The following PLCG2 variants were observed in gnomAD, a reference collection of about 807,000 sequenced individuals.
PLCG2 encodes 1-phosphatidylinositol 4,5-bisphosphate phosphodiesterase gamma-2.
Under a neutral mutation model 175.6 loss-of-function variants are expected in PLCG2, and 69 were observed. The observed-to-expected ratio is 0.39, with a 90% CI of 0.32 to 0.48. PLCG2 has a LOEUF of 0.48. PLCG2 is among the 20% of genes least tolerant of loss of function. The probability of loss-of-function intolerance (pLI) is 0.91; values close to 1 mark genes in which losing one functional copy is unlikely to be tolerated. For synonymous variants in PLCG2, 827 were observed against 624.0 expected (o/e 1.33, Z -4.85); for missense variants, 1,798 against 1,650.9 (o/e 1.09, Z -1.54).
At chr16:81,796,111 G>A (rs532290593) in intron 2 of PLCG2, among the ~76,000 whole-genome samples, 4 of 152,332 alleles carry the variant, frequency 2.6e-5, no homozygotes, top group South Asian at 2.1e-4. Context: ...CAGTCTCATC[G>A]CTGGGCTGCA....
chr16:81,756,011 C>T (rs1909917350), intron 2 of PLCG2: 2 of 153,182 alleles, frequency 1.3e-5, no homozygotes, highest in Non-Finnish European at 2.9e-5. Context: ...ACCCTGACTC[C>T]AGGCCAGTCA....
At chr16:81,860,834 G>T (rs1438760221) in intron 5 of PLCG2, among the ~76,000 whole-genome samples, 2 of 152,032 alleles carry the variant, frequency 1.3e-5, no homozygotes, top group African/African-American at 4.8e-5. Context: ...AGCCAGGCAT[G>T]GTAGCACGCT....
intron 7 of PLCG2, among the ~76,000 whole-genome samples, chr16:81,880,379 T>G (rs1311556043): frequency 1.3e-5 from 2 of 152,208 alleles, no homozygotes. Flanking sequence ...GCGCTTTTCC[T>G]TCTAGGACTC....
intron 14 of PLCG2, 92 bp downstream of exon 14, chr16:81,900,872 A>C: frequency 8.5e-7 from 1 of 1,173,938 alleles, no homozygotes; most frequent in East Asian, 2.5e-5. Context: ...TCTATGTCCT[A>C]CTGGGCCTGC....
chr16:81,835,545 C>T (rs1905469485), intron 2 of PLCG2, among the ~76,000 whole-genome samples: 1 of 152,076 alleles, frequency 6.6e-6, no homozygotes, highest in African/African-American at 2.4e-5. Flanking sequence ...TGCCATTGCT[C>T]TCTAGCCTGG....
In PLCG2 at chr16:81,907,665, A is replaced by G. The variant is rs1322938112; in HGVS notation, c.1468-20A>G. The G allele has an allele frequency of 6.3e-7, 1 of 1,592,122 alleles. No homozygotes were observed. On this transcript the variant is annotated intron_variant, in intron 15 of 32. Transcript: ENST00000564138. ...GAGGTAGAGGACTTGGGGGGCACTAATACCAGTTTCACTTTCTAGAAATGG... is the reference window on the plus strand; with the variant it reads ...GAGGTAGAGGACTTGGGGGGCACTAGTACCAGTTTCACTTTCTAGAAATGG...
intron 19 of PLCG2, among the ~76,000 whole-genome samples, chr16:81,915,533 C>G (rs965405328): frequency 3.3e-5 from 5 of 152,230 alleles, no homozygotes; most frequent in Admixed American, 2.6e-4. Context: ...TTCTGATTCT[C>G]TTTTCTCCCA....
chr16:81,773,049 C>A (rs188293700), intron 2 of PLCG2, among the ~76,000 whole-genome samples: 12 of 152,288 alleles, frequency 7.9e-5, no homozygotes, highest in Admixed American at 3.3e-4. Flanking sequence ...GGAAGCTGAT[C>A]CATCCTAAAT....
chr16:81,831,612 G>A (rs1301469230), intron 2 of PLCG2, among the ~76,000 whole-genome samples: 2 of 152,140 alleles, frequency 1.3e-5, no homozygotes. Flanking sequence ...GAAAGAGGGA[G>A]GCAGGTAGAT....
At chr16:81,755,327 G>C (rs1461353142) in intron 1 of PLCG2, among the ~76,000 whole-genome samples, 1 of 151,570 alleles carries the variant, frequency 6.6e-6, no homozygotes, top group Non-Finnish European at 1.5e-5. Flanking sequence ...CTCCCAAGTA[G>C]CTGGGGCTAC....
intron 2 of PLCG2, among the ~76,000 whole-genome samples, chr16:81,812,833 T>C (rs889303500): frequency 7.9e-5 from 12 of 152,356 alleles, no homozygotes; most frequent in East Asian, 5.8e-4. Context: ...CTTTTATCCA[T>C]CTTGAGTTAA....
intron 2 of PLCG2, among the ~76,000 whole-genome samples, chr16:81,761,036 A>G (rs868723805): frequency 9.4e-4 from 143 of 152,254 alleles, no homozygotes; most frequent in African/African-American, 3.2e-3. Flanking sequence ...AGCTGGGACT[A>G]TAAGTGCGCA....
intron 2 of PLCG2, among the ~76,000 whole-genome samples, 178 bp from the exon 3 acceptor site, chr16:81,854,266 C>T (rs561984088): frequency 4.6e-5 from 7 of 152,280 alleles, no homozygotes; most frequent in Non-Finnish European, 1.0e-4. Context: ...CGGGTAGGGT[C>T]TTAGCCCTTT....
At chr16:81,836,647 A>G (rs758636144) in intron 2 of PLCG2, among the ~76,000 whole-genome samples, 1 of 152,180 alleles carries the variant, frequency 6.6e-6, no homozygotes, top group Non-Finnish European at 1.5e-5. Context: ...AGACTGAGGC[A>G]GGAGAATCGC....
chr16:81,873,856 A>T lies in PLCG2; in HGVS notation c.648+2921A>T, dbSNP rs545763901. Among the ~76,000 whole-genome samples, 11 of 152,336 alleles carry T rather than the reference A, an allele frequency of 7.2e-5. No individual in the cohort carries two copies. In the South Asian group the frequency reaches 2.3e-3, roughly 32 times the overall value. ...ATTAACCCATTCATTGATGGTTTCC[A>T]CTGTGGTAACATTCCACATGAGAGG... On this transcript the variant is annotated intron_variant, in intron 7 of 32. Transcript: ENST00000564138.
At chr16:81,907,194 C>T (rs1342280803) in intron 15 of PLCG2, among the ~76,000 whole-genome samples, 2 of 151,994 alleles carry the variant, frequency 1.3e-5, no homozygotes. Flanking sequence ...GCATACCCTG[C>T]ACCCAGCCTC....
intron 2 of PLCG2, among the ~76,000 whole-genome samples, chr16:81,852,740 T>C (rs1178011168): frequency 1.3e-5 from 2 of 152,216 alleles, no homozygotes; most frequent in Non-Finnish European, 2.9e-5. Flanking sequence ...ATTGCACATA[T>C]TTCTACAATC....
At chr16:81,814,125 G>A (rs934977528) in intron 2 of PLCG2, among the ~76,000 whole-genome samples, 3 of 152,284 alleles carry the variant, frequency 2.0e-5, no homozygotes, top group Middle Eastern at 3.4e-3. Flanking sequence ...CCAGGCTGGG[G>A]TCTGTGTGTT....
chr16:81,869,466 C>A (rs1183996415), intron 6 of PLCG2, among the ~76,000 whole-genome samples, 168 bp downstream of exon 6: 1 of 152,116 alleles, frequency 6.6e-6, no homozygotes, highest in African/African-American at 2.4e-5. Context: ...ATCTGAGGAC[C>A]ATCGTCTCAA....
Sources: allele counts gnomAD v4.1 joint callset (sites outside exome capture counted in the v4.1 genomes callset), GRCh38; gene constraint gnomAD v4.1.1; transcripts MANE v1.5; gene names NCBI Gene and HGNC (gene_info 2026-07-23, HGNC 2026-07-21).